The following ASIC2 variants were observed in gnomAD, a reference collection of about 807,000 sequenced individuals.
ASIC2 encodes acid-sensing ion channel 2.
ASIC2 carries 25 observed loss-of-function variants against 57.3 expected under a neutral mutation model. The ratio of observed to expected loss-of-function variants is 0.44; its 90% CI spans 0.32 to 0.61. The LOEUF is 0.61. ASIC2 is among the 20% of genes least tolerant of loss of function. The probability of loss-of-function intolerance (pLI) is 0.06; values close to 1 mark genes in which losing one functional copy is unlikely to be tolerated. For missense variants in ASIC2, 641 were observed against 738.1 expected (o/e 0.87, Z 1.52); for synonymous variants, 319 against 307.5 (o/e 1.04, Z -0.39).
chr17:34,087,227 C>T (rs903912633), intron 1 of ASIC2, among the ~76,000 whole-genome samples: 1 of 152,024 alleles, frequency 6.6e-6, no homozygotes, highest in African/African-American at 2.4e-5. Flanking sequence ...TCTTTTAGGG[C>T]AGTCCTGGTG....
At chr17:33,537,494 G>T (rs539884097) in intron 1 of ASIC2, among the ~76,000 whole-genome samples, 2 of 152,314 alleles carry the variant, frequency 1.3e-5, no homozygotes, top group South Asian at 4.1e-4. Context: ...CACTTTGTGA[G>T]GGTGGGAATC....
At chr17:34,054,326 G>A (rs1288528919) in intron 1 of ASIC2, among the ~76,000 whole-genome samples, 6 of 152,134 alleles carry the variant, frequency 3.9e-5, no homozygotes, top group Non-Finnish European at 8.8e-5. Flanking sequence ...AATGAAGTAC[G>A]TTTTTGAAGT....
chr17:33,286,604 T>G (rs1012280532), intron 1 of ASIC2, among the ~76,000 whole-genome samples: 20 of 152,222 alleles, frequency 1.3e-4, no homozygotes, highest in Non-Finnish European at 2.1e-4. Flanking sequence ...GTCTCTGAAC[T>G]CTTGCAATGG....
intron 1 of ASIC2, among the ~76,000 whole-genome samples, chr17:33,642,965 T>C (rs1275458671): frequency 6.6e-6 from 1 of 152,194 alleles, no homozygotes; most frequent in East Asian, 1.9e-4. Context: ...CACTAATTTG[T>C]TGACCAGGGT....
chr17:33,991,516 A>C (rs758224264), intron 1 of ASIC2, among the ~76,000 whole-genome samples: 12 of 152,190 alleles, frequency 7.9e-5, no homozygotes, highest in Non-Finnish European at 1.8e-4. Context: ...CCTCCTCTGC[A>C]TGGAGTAAGG....
chr17:33,498,428 G>A (rs1914004934), intron 1 of ASIC2, among the ~76,000 whole-genome samples: 1 of 152,228 alleles, frequency 6.6e-6, no homozygotes. Flanking sequence ...GAGGCTCTTG[G>A]GTGAGTGAGT....
chr17:33,142,937 A>C (rs1439830407), intron 1 of ASIC2, among the ~76,000 whole-genome samples: 1 of 152,200 alleles, frequency 6.6e-6, no homozygotes, highest in African/African-American at 2.4e-5. Context: ...GCTAGGGCTG[A>C]GTGTCTTCCA....
At chr17:33,711,830 C>T (rs1188632104) in intron 1 of ASIC2, among the ~76,000 whole-genome samples, 2 of 152,138 alleles carry the variant, frequency 1.3e-5, no homozygotes, top group Admixed American at 6.5e-5. Flanking sequence ...AATTACAATT[C>T]AACATGAGAT....
intron 1 of ASIC2, among the ~76,000 whole-genome samples, chr17:33,305,572 G>A (rs1597674854): frequency 6.6e-6 from 1 of 152,312 alleles, no homozygotes; most frequent in East Asian, 1.9e-4. Context: ...TTAAAATGAT[G>A]TCATTTAATG....
intron 1 of ASIC2, among the ~76,000 whole-genome samples, chr17:34,020,663 A>C (rs1214016355): frequency 1.3e-5 from 2 of 152,194 alleles, no homozygotes; most frequent in Non-Finnish European, 2.9e-5. Flanking sequence ...CTCCCAGCTG[A>C]CAACCTCAAG....
intron 1 of ASIC2, among the ~76,000 whole-genome samples, chr17:33,941,759 C>G (rs566454132): frequency 6.6e-6 from 1 of 152,262 alleles, no homozygotes; most frequent in East Asian, 1.9e-4. Context: ...GGGAGGGGAT[C>G]CCCTGTGCTT....
At chr17:34,095,659 T>TTATATATATATATATATATATAATTTTA (rs200777326) in intron 1 of ASIC2, among the ~76,000 whole-genome samples, 1 of 93,098 alleles carries the variant, frequency 1.1e-5, no homozygotes, top group Non-Finnish European at 2.1e-5. Flanking sequence ...ATATATAATT[T>TTATATATATATATATATATATAATTTTA]TATATATATA....
chr17:33,212,198 G>A (rs1352290427), intron 1 of ASIC2, among the ~76,000 whole-genome samples: 4 of 152,162 alleles, frequency 2.6e-5, no homozygotes, highest in Non-Finnish European at 5.9e-5. Context: ...TACCTTATAA[G>A]GCAAAAGGAA....
At chr17:33,800,560 G>A (rs189162746) in intron 1 of ASIC2, among the ~76,000 whole-genome samples, 1 of 152,228 alleles carries the variant, frequency 6.6e-6, no homozygotes, top group East Asian at 1.9e-4. Context: ...CCACTTCCCT[G>A]ACAATCATAA....
At chr17:33,939,966 C>T (rs1916149783) in intron 1 of ASIC2, among the ~76,000 whole-genome samples, 1 of 152,074 alleles carries the variant, frequency 6.6e-6, no homozygotes, top group Admixed American at 6.5e-5. Context: ...ATCAAGGTGA[C>T]TCCTGAGAAT....
intron 1 of ASIC2, among the ~76,000 whole-genome samples, chr17:33,468,600 C>A (rs1197046826): frequency 6.6e-6 from 1 of 151,646 alleles, no homozygotes; most frequent in Non-Finnish European, 1.5e-5. Flanking sequence ...TGATGTAACT[C>A]TTCACATATT....
intron 1 of ASIC2, among the ~76,000 whole-genome samples, chr17:33,226,939 C>A (rs1335124375): frequency 1.3e-5 from 2 of 152,000 alleles, no homozygotes; most frequent in African/African-American, 4.8e-5. Context: ...GTAACTTCGA[C>A]ATGTAATCAA....
At chr17:34,057,443 G>A (rs1025961362) in intron 1 of ASIC2, among the ~76,000 whole-genome samples, 7 of 152,290 alleles carry the variant, frequency 4.6e-5, no homozygotes, top group Non-Finnish European at 7.4e-5. Context: ...ATGGGCTGTC[G>A]CAGTAGAGGT....
At chr17:33,897,920 G>A (rs975996384) in intron 1 of ASIC2, among the ~76,000 whole-genome samples, 1 of 152,192 alleles carries the variant, frequency 6.6e-6, no homozygotes, top group Admixed American at 6.5e-5. Context: ...AATCGAAGAT[G>A]GATGATGAAT....
Sources: gnomAD v4.1 joint callset for allele counts (sites outside exome capture counted in the v4.1 genomes callset) on GRCh38, gnomAD v4.1.1 for gene constraint, MANE v1.5 for transcripts, NCBI Gene and HGNC (gene_info 2026-07-23, HGNC 2026-07-21) for gene names.